Variants in UBE2F observed in about 807,000 individuals in gnomAD.
UBE2F encodes NEDD8-conjugating enzyme UBE2F.
A neutral mutation model predicts 29.6 loss-of-function variants in UBE2F; 5 were observed. The observed-to-expected ratio is 0.17, with a 90% CI of 0.09 to 0.36. The LOEUF (loss-of-function observed/expected upper bound fraction) is 0.36. Ranked by LOEUF, UBE2F falls within the 10% of genes least tolerant of loss-of-function variation. UBE2F has a pLI of 1.00. For synonymous variants in UBE2F, 66 were observed against 81.8 expected, an observed-to-expected ratio of 0.81 and a Z score of 1.04; for missense variants, 141 against 228.5, an observed-to-expected ratio of 0.62 and a Z score of 2.47.
At chr2:238,023,196 G>A (rs1422411463) in intron 5 of UBE2F, among the ~76,000 whole-genome samples, 1 of 152,204 alleles carries the variant, frequency 6.6e-6, no homozygotes, top group South Asian at 2.1e-4. Context: ...TGACCCAGAA[G>A]GGGGCACAGA....
At chr2:237,991,609 C>CTTTCTTTCTTTTTTTTTTTTTTT (rs57180067) in intron 3 of UBE2F, among the ~76,000 whole-genome samples, 13 of 53,050 alleles carry the variant, frequency 2.5e-4, no homozygotes, top group Non-Finnish European at 4.5e-4. Flanking sequence ...TTCTTTCTTT[C>CTTTCTTTCTTTTTTTTTTTTTTT]TTTTTTTTTT....
intron 6 of UBE2F, among the ~76,000 whole-genome samples, chr2:238,026,519 C>A (rs1414379016): frequency 6.6e-6 from 1 of 152,006 alleles, no homozygotes; most frequent in Admixed American, 6.5e-5. Context: ...CTGCAAGCTC[C>A]GCCTCCCAGG....
Position 238,015,255 on chromosome 2 carries a change from C to T in UBE2F, c.215-1311C>T, listed in dbSNP as rs533439224. 4.6e-5 allele frequency among the ~76,000 whole-genome samples: 7 copies of T among 152,160 alleles called. No individual in the cohort carries two copies. In the East Asian group the frequency reaches 1.4e-3, roughly 29 times the overall value. On this transcript the variant is annotated intron_variant, in intron 4 of 9. Transcript: ENST00000272930. The stretch of plus-strand genomic sequence containing the variant: ...GTTCAGAAACCACAAAATCAAAATG[C>T]AAACAGCAGACTAAGAAAAATTGCT...
At chr2:238,014,247 A>G (rs1559219140) in intron 4 of UBE2F, among the ~76,000 whole-genome samples, 1 of 152,252 alleles carries the variant, frequency 6.6e-6, no homozygotes, top group Non-Finnish European at 1.5e-5. Flanking sequence ...ATAATAAATA[A>G]GCAGATTTGG....
At position 238,042,252 on chromosome 2, in the gene UBE2F, T is replaced by C. The variant is rs1455986614; in HGVS notation, c.*914T>C. ...AGCCTGGACCAGCTGGGGTTGATGC[T>C]TTTGCAGTGGTCATGTGATTGTGAC... is the stretch of plus-strand genomic sequence containing the variant. On this transcript the variant is annotated 3_prime_UTR_variant, in exon 10 of 10. Transcript: ENST00000272930. The C allele has an allele frequency of 1.3e-5, 2 of 152,244 alleles. No homozygotes were observed. Among genetic ancestry groups the C allele is most frequent in the East Asian group, 3.8e-4 (2 of 5,202 alleles). 9.4% of individuals were successfully genotyped at this position (152,244 alleles called of 1,614,324 possible).
chr2:237,976,997 A>G (rs1245226276), intron 2 of UBE2F, among the ~76,000 whole-genome samples: 1 of 152,120 alleles, frequency 6.6e-6, no homozygotes, highest in Non-Finnish European at 1.5e-5. Flanking sequence ...ATAGAAGTGC[A>G]AGTCCACAGA....
rs1044679637 is a variant in UBE2F at position 237,982,093 on chromosome 2, T to C, written c.119-5870T>C. On this transcript the variant is annotated intron_variant, in intron 2 of 9. Coordinates refer to ENST00000272930, the MANE Select transcript of UBE2F (RefSeq NM_080678.3). This position sits in a 1 kb window ranked among gnomAD's most constrained non-coding sequence, Gnocchi z 4.1. ...TATTGAATCATTTACTTAAAATGGG[T>C]CTATTTGATTGTATGTAAATTGGTC... Among the ~76,000 whole-genome samples the C allele has an allele frequency of 2.0e-5, 3 of 152,138 alleles. No homozygotes were observed. Among genetic ancestry groups the C allele is most frequent in the Non-Finnish European group, 4.4e-5 (3 of 68,034 alleles).
chr2:238,011,815 G>A (rs1016504429), intron 4 of UBE2F, among the ~76,000 whole-genome samples: 4 of 152,198 alleles, frequency 2.6e-5, no homozygotes, highest in Non-Finnish European at 5.9e-5. Flanking sequence ...GGCATGGAAA[G>A]TGTCTTGTTA....
At chr2:238,016,392 G>A in intron 4 of UBE2F, 174 bp from the exon 5 acceptor site, 2 of 590,046 alleles carry the variant, frequency 3.4e-6, no homozygotes, top group Non-Finnish European at 5.9e-6. Flanking sequence ...TCAGGCAGGG[G>A]CAGGACTTCC....
chr2:238,014,589 A>T (rs2106380908), intron 4 of UBE2F, among the ~76,000 whole-genome samples: 1 of 152,382 alleles, frequency 6.6e-6, no homozygotes. Flanking sequence ...GCCAGAGCAC[A>T]GCCACGACCA....
At chr2:238,003,589 T>A in intron 4 of UBE2F, 1 of 284,480 alleles carries the variant, frequency 3.5e-6, no homozygotes, top group South Asian at 3.2e-5. Flanking sequence ...CAGATTCTGG[T>A]GGTCTCCAGT....
At chr2:238,009,722 A>G (rs566711123) in intron 4 of UBE2F, among the ~76,000 whole-genome samples, 1 of 152,126 alleles carries the variant, frequency 6.6e-6, no homozygotes, top group African/African-American at 2.4e-5. Flanking sequence ...GCTCACACTC[A>G]CTTCCTCTTC....
At chr2:237,972,470 G>A (rs1559197660) in intron 1 of UBE2F, among the ~76,000 whole-genome samples, 1 of 152,084 alleles carries the variant, frequency 6.6e-6, no homozygotes, top group Non-Finnish European at 1.5e-5. Flanking sequence ...TTCCACGGGA[G>A]CTTTGTCACA....
At chr2:238,022,471 C>G (rs2064318858) in intron 5 of UBE2F, among the ~76,000 whole-genome samples, 1 of 152,016 alleles carries the variant, frequency 6.6e-6, no homozygotes, top group Non-Finnish European at 1.5e-5. Context: ...GCTGTAAATA[C>G]TTTCTTTGTT....
intron 4 of UBE2F, among the ~76,000 whole-genome samples, chr2:237,998,628 T>A (rs1010372715): frequency 1.3e-4 from 18 of 143,900 alleles, no homozygotes; most frequent in Non-Finnish European, 2.1e-4. Flanking sequence ...TTTTTTTTTT[T>A]ACAAGCTTTT....
chr2:238,037,289 A>G (rs146655264), intron 9 of UBE2F, among the ~76,000 whole-genome samples: 2,062 of 152,366 alleles, frequency 0.014, 20 homozygotes, highest in Middle Eastern at 0.027. Flanking sequence ...ATAGTTGCTG[A>G]ATGTCACCTT....
chr2:237,978,577 C>T (rs1323202726), intron 2 of UBE2F, among the ~76,000 whole-genome samples: 1 of 152,184 alleles, frequency 6.6e-6, no homozygotes, highest in Non-Finnish European at 1.5e-5. Context: ...CGCAAGGGCT[C>T]CCCGCTCAGC....
chr2:238,039,562 A>G (rs1458805976), intron 9 of UBE2F, among the ~76,000 whole-genome samples: 1 of 152,250 alleles, frequency 6.6e-6, no homozygotes, highest in Non-Finnish European at 1.5e-5. Context: ...CTGAGGACAC[A>G]GCTGCCAAGA....
rs143032574 is a variant in UBE2F, at chr2:237,997,116, A to G, written c.214+2307A>G. The stretch of plus-strand genomic sequence containing the variant: ...GTGGTGCGTGCCTGTAATCCCAGCT[A>G]CTCAGGAGGCTGAGGCAGGAGAATT... On this transcript the variant is annotated intron_variant, in intron 4 of 9. Transcript: ENST00000272930. Among the ~76,000 whole-genome samples, 210 of 152,054 alleles carry G rather than the reference A, an allele frequency of 1.4e-3. 4 individuals carry two copies. In the East Asian group the frequency reaches 0.036, roughly 26 times the overall value.
Sources: gnomAD v4.1 joint callset for allele counts (sites outside exome capture counted in the v4.1 genomes callset) on GRCh38, gnomAD v4.1.1 for gene constraint, Gnocchi (gnomAD v3.1) non-coding constraint, MANE v1.5 for transcripts, NCBI Gene and HGNC (gene_info 2026-07-23, HGNC 2026-07-21) for gene names.